Variants in SHPK observed in about 807,000 individuals in gnomAD.
The protein encoded by SHPK is carbohydrate kinase-like protein.
SHPK carries 51 observed loss-of-function variants against 46.3 expected under a neutral mutation model. That is an observed-to-expected ratio of 1.10 (90% CI 0.88 to 1.39). The LOEUF is 1.39. SHPK is among the 40% of genes most tolerant of loss of function. The probability of loss-of-function intolerance (pLI) is 0.00; values close to 1 mark genes in which losing one functional copy is unlikely to be tolerated. For synonymous variants in SHPK, 290 were observed against 273.9 expected, an observed-to-expected ratio of 1.06 and a Z score of -0.58; for missense variants, 668 against 641.3, an observed-to-expected ratio of 1.04 and a Z score of -0.45.
At chr17:3,612,131 G>GAA (rs36013202) in intron 6 of SHPK, among the ~76,000 whole-genome samples, 1 of 142,814 alleles carries the variant, frequency 7.0e-6, no homozygotes, top group Non-Finnish European at 1.5e-5. Flanking sequence ...ACAAACAAAC[G>GAA]AAAAAAAAAA....
At chr17:3,627,734 G>T (rs1351613863) in intron 2 of SHPK, among the ~76,000 whole-genome samples, 1 of 151,052 alleles carries the variant, frequency 6.6e-6, no homozygotes, top group Admixed American at 6.6e-5. Context: ...GAGAGCCCAG[G>T]AGACAGGCAG....
intron 1 of SHPK, among the ~76,000 whole-genome samples, chr17:3,633,135 C>T (rs1477355122): frequency 4.0e-5 from 6 of 151,666 alleles, no homozygotes; most frequent in Non-Finnish European, 5.9e-5. Flanking sequence ...CGCATCACCA[C>T]GCCCGGCTAA....
intron 4 of SHPK, 148 bp downstream of exon 4, chr17:3,623,190 TG>T: frequency 1.2e-6 from 1 of 840,032 alleles, no homozygotes; most frequent in Non-Finnish European, 1.9e-6. Context: ...GCCCCGTGTC[TG>T]GGACAGGCCA....
intron 2 of SHPK, among the ~76,000 whole-genome samples, chr17:3,629,084 A>G (rs1343399928): frequency 6.6e-6 from 1 of 152,132 alleles, no homozygotes; most frequent in Non-Finnish European, 1.5e-5. Context: ...TCCTCCATCA[A>G]AAACAACCCT....
chr17:3,615,528 A>C lies in SHPK; in HGVS notation c.833T>G (p.Ile278Ser). 6.2e-7 allele frequency: 1 copy of C among 1,614,144 alleles called. No individual in the cohort carries two copies. The highest frequency in any genetic ancestry group is 8.5e-7 in the Non-Finnish European group (1 of 1,179,992). Residue 278 changes from isoleucine (I) to serine (S), a missense_variant, in exon 6 of 7, where the codon ATC becomes AGC. Transcript: ENST00000225519. ...GGCTGCCAGCTGAACCGAGGTGCTG[A>C]TGTTGAGAACTGGGGTCCGAAGAGA... Reference protein sequence around the residue: ...MAQRTDAVLNISTSVQLAASM... With the variant: ...MAQRTDAVLNSSTSVQLAASM...
chr17:3,626,277 T>A (rs1021537957), intron 2 of SHPK, among the ~76,000 whole-genome samples: 1 of 152,196 alleles, frequency 6.6e-6, no homozygotes, highest in Non-Finnish European at 1.5e-5. Context: ...ATGGGCCCTT[T>A]CAGGCTGGGG....
At chr17:3,631,501 CTAATT>C (rs990278512) in intron 1 of SHPK, among the ~76,000 whole-genome samples, 3 of 103,406 alleles carry the variant, frequency 2.9e-5, no homozygotes, top group Non-Finnish European at 5.2e-5. Flanking sequence ...TATACACTAT[CTAATT>C]TAATGCTTTT....
intron 5 of SHPK, among the ~76,000 whole-genome samples, chr17:3,620,597 C>G (rs1487903933): frequency 6.6e-6 from 1 of 151,136 alleles, no homozygotes; most frequent in African/African-American, 2.4e-5. Context: ...GAGTCTCGCT[C>G]TGTCGTCAGG....
intron 2 of SHPK, among the ~76,000 whole-genome samples, chr17:3,625,743 C>T (rs374933033): frequency 2.0e-5 from 3 of 152,106 alleles, no homozygotes; most frequent in African/African-American, 4.8e-5. Context: ...TTTGTTGTGC[C>T]GCAATAGGTC....
At chr17:3,624,268 G>A (rs771820630) in intron 2 of SHPK, 37 bp from the exon 3 acceptor site, 3 of 1,556,306 alleles carry the variant, frequency 1.9e-6, no homozygotes, top group South Asian at 1.1e-5. Context: ...GAAGAAAAGA[G>A]CAAATGACTA....
intron 2 of SHPK, among the ~76,000 whole-genome samples, chr17:3,629,366 T>C (rs1458469339): frequency 6.6e-6 from 1 of 152,098 alleles, no homozygotes; most frequent in Non-Finnish European, 1.5e-5. Flanking sequence ...TAGAACAGGT[T>C]ACCCACCTCC....
chr17:3,625,231 C>T (rs185722763), intron 2 of SHPK, among the ~76,000 whole-genome samples: 63 of 152,248 alleles, frequency 4.1e-4, no homozygotes, highest in African/African-American at 1.3e-3. Flanking sequence ...TTTTTGTGGT[C>T]GATTGTTGCA....
At chr17:3,624,963 T>G (rs1191295386) in intron 2 of SHPK, among the ~76,000 whole-genome samples, 2 of 151,850 alleles carry the variant, frequency 1.3e-5, no homozygotes, top group Non-Finnish European at 2.9e-5. Context: ...CCCTGATTGA[T>G]TTTTAGACAT....
At position 3,609,845 on chromosome 17, in the gene SHPK, C is replaced by T. The variant is rs962254435; in HGVS notation, c.*715G>A. 2 of 152,626 alleles carry T rather than the reference C, an allele frequency of 1.3e-5. No homozygotes were observed. The highest frequency in any genetic ancestry group is 2.4e-5 in the African/African-American group (1 of 41,468). The allele number at this position is 152,626 out of a possible 1,614,324, so 9.5% of individuals were successfully genotyped here. A position where few individuals can be genotyped will look rare whatever the true frequency, so the allele number is the denominator to read the frequency against. On this transcript the variant is annotated 3_prime_UTR_variant, in exon 7 of 7. Transcript: ENST00000225519. ...GCTCATGCCATCCGCCTCTCCTTCT[C>T]GCAACCTGCCTTCCAGGCAGTTGTG... is the stretch of plus-strand genomic sequence containing the variant.
At chr17:3,631,549 G>A (rs1170569109) in intron 1 of SHPK, among the ~76,000 whole-genome samples, 2 of 83,850 alleles carry the variant, frequency 2.4e-5, no homozygotes, top group African/African-American at 1.7e-4. Flanking sequence ...TAGCGATAGA[G>A]TCTCTCTCTA....
At chr17:3,631,479 T>C (rs966707635) in intron 1 of SHPK, among the ~76,000 whole-genome samples, 10 of 144,040 alleles carry the variant, frequency 6.9e-5, no homozygotes, top group Non-Finnish European at 1.5e-4. Flanking sequence ...TACAATTTAG[T>C]ATGACAAAAA....
intron 5 of SHPK, 87 bp downstream of exon 5, chr17:3,621,150 C>A (rs2075397785): frequency 8.8e-7 from 1 of 1,134,100 alleles, no homozygotes; most frequent in South Asian, 1.6e-5. Context: ...CTGCTAAGCT[C>A]TGTGTGCCCT....
intron 2 of SHPK, among the ~76,000 whole-genome samples, chr17:3,627,654 T>C (rs909800142): frequency 2.0e-5 from 3 of 151,622 alleles, no homozygotes; most frequent in African/African-American, 7.3e-5. Context: ...CCAGAAGGCA[T>C]GTGGGCTGGC....
rs574731593 is a variant in SHPK at position 3,610,743 on chromosome 17, C to A, written c.1254G>T (p.Gln418His). Residue 418 changes from glutamine (Q) to histidine (H), a missense_variant, in exon 7 of 7, where the codon CAG becomes CAT. By Grantham distance (24) the Gln-to-His change is conservative. Transcript: ENST00000225519. Reference protein sequence around the residue: ...QNLHSMLPIQQLQEWGVERVM... With the variant: ...QNLHSMLPIQHLQEWGVERVM... Reference sequence around the variant, plus strand: ...CCCTCTCCACGCCCCACTCCTGGAGCTGCTGAATCGGAAGCATGGAGTGCA... The same window carrying A: ...CCCTCTCCACGCCCCACTCCTGGAGATGCTGAATCGGAAGCATGGAGTGCA... 6.2e-7 allele frequency: 1 copy of A among 1,614,166 alleles called. No individual in the cohort carries two copies. Among genetic ancestry groups the A allele is most frequent in the East Asian group, 2.2e-5 (1 of 44,876 alleles).
Sources: gnomAD v4.1 joint callset for allele counts (sites outside exome capture counted in the v4.1 genomes callset) on GRCh38, gnomAD v4.1.1 for gene constraint, MANE v1.5 for transcripts, NCBI Gene and HGNC (gene_info 2026-07-23, HGNC 2026-07-21) for gene names.